The following HPSE2 variants were observed in gnomAD, a reference collection of about 807,000 sequenced individuals.
HPSE2 encodes the protein heparanase 2 (inactive).
HPSE2 carries 38 observed loss-of-function variants against 60.5 expected under a neutral mutation model. The observed-to-expected ratio is 0.63, with a 90% CI of 0.48 to 0.82. HPSE2 has a LOEUF of 0.82. Ranked by LOEUF, HPSE2 falls within the 40% of genes least tolerant of loss-of-function variation. The probability of loss-of-function intolerance (pLI) is 0.00; values close to 1 mark genes in which losing one functional copy is unlikely to be tolerated. For synonymous variants in HPSE2, 295 were observed against 293.2 expected (o/e 1.01, Z -0.06); for missense variants, 713 against 740.4 (o/e 0.96, Z 0.43).
intron 3 of HPSE2, among the ~76,000 whole-genome samples, chr10:99,072,842 T>C (rs1333171748): frequency 6.8e-6 from 1 of 147,878 alleles, no homozygotes; most frequent in Non-Finnish European, 1.5e-5. Flanking sequence ...GGCAGGAGAA[T>C]TGCTTGAACC....
chr10:98,464,366 A>G (rs896946999), intron 11 of HPSE2, among the ~76,000 whole-genome samples: 2 of 152,200 alleles, frequency 1.3e-5, no homozygotes, highest in Non-Finnish European at 1.5e-5. Flanking sequence ...CCCGTGCCCT[A>G]GCATGACCAA....
At chr10:99,272,770 AT>A in the HPSE2 span, among the ~76,000 whole-genome samples, 3 of 152,330 alleles carry the variant, frequency 2.0e-5, no homozygotes, top group South Asian at 2.1e-4. Context: ...AAATAAAAAA[AT>A]AATAGATGTT....
chr10:98,688,808 G>A (rs1947997206), intron 6 of HPSE2, among the ~76,000 whole-genome samples: 1 of 151,304 alleles, frequency 6.6e-6, no homozygotes, highest in Non-Finnish European at 1.5e-5. Context: ...CAGATCTACT[G>A]GCTTTCATTG....
intron 5 of HPSE2, among the ~76,000 whole-genome samples, chr10:98,704,438 A>C (rs371280151): frequency 6.9e-6 from 1 of 144,656 alleles, no homozygotes; most frequent in Non-Finnish European, 1.5e-5. Flanking sequence ...AAAAAAAAAA[A>C]GCCCAGATAG....
chr10:98,903,158 G>T (rs1953712834), intron 3 of HPSE2, among the ~76,000 whole-genome samples: 1 of 152,048 alleles, frequency 6.6e-6, no homozygotes, highest in Non-Finnish European at 1.5e-5. Context: ...CTAAATGAAT[G>T]AAGACAGTCA....
intron 6 of HPSE2, among the ~76,000 whole-genome samples, chr10:98,658,502 G>A (rs568724785): frequency 5.3e-5 from 8 of 152,104 alleles, no homozygotes; most frequent in African/African-American, 1.7e-4. Flanking sequence ...CTCTCAGTTC[G>A]TGACTTGATT....
At position 98,939,822 on chromosome 10, in the gene HPSE2, A is replaced by G. The variant is rs551198294; in HGVS notation, c.611-195766T>C. ...CCACACCTATTCCAAAATTGACCAC[A>G]TAGGTGGAAGTAAAGCTCTCCTCAG... On this transcript the variant is annotated intron_variant, in intron 3 of 11. Transcript: ENST00000370552. Among the ~76,000 whole-genome samples the G allele has an allele frequency of 5.6e-5, 8 of 144,140 alleles. No homozygotes were observed. In the South Asian group the frequency reaches 1.7e-3, roughly 30 times the overall value. 94.6% of individuals were successfully genotyped at this position (144,140 alleles called of 152,430 possible). A position where few individuals can be genotyped will look rare whatever the true frequency, so the allele number is the denominator to read the frequency against.
At chr10:99,046,377 T>C (rs1180306312) in intron 3 of HPSE2, among the ~76,000 whole-genome samples, 2 of 152,088 alleles carry the variant, frequency 1.3e-5, no homozygotes, top group African/African-American at 4.8e-5. Flanking sequence ...AACATCATAC[T>C]GAAAAGGCAA....
intron 3 of HPSE2, among the ~76,000 whole-genome samples, chr10:99,119,816 G>A (rs1338951451): frequency 1.3e-5 from 2 of 152,084 alleles, no homozygotes; most frequent in Non-Finnish European, 2.9e-5. Context: ...TCTGATCTTT[G>A]ACAAAGCTGA....
At chr10:99,256,556 A>G in the HPSE2 span, among the ~76,000 whole-genome samples, 1 of 151,076 alleles carries the variant, frequency 6.6e-6, no homozygotes, top group Admixed American at 6.6e-5. Flanking sequence ...CAATAACACA[A>G]GAATGTCCAC....
intron 6 of HPSE2, among the ~76,000 whole-genome samples, chr10:98,662,735 G>C (rs1047226850): frequency 3.3e-5 from 5 of 152,178 alleles, no homozygotes; most frequent in African/African-American, 1.2e-4. Flanking sequence ...ATTTTCCTTA[G>C]AATGCACTTT....
intron 3 of HPSE2, among the ~76,000 whole-genome samples, chr10:98,906,263 C>T (rs1953813542): frequency 6.6e-6 from 1 of 152,202 alleles, no homozygotes; most frequent in South Asian, 2.1e-4. Context: ...TCATGCCAAT[C>T]TCCATCTCAG....
At chr10:98,605,656 A>G (rs1010188784) in intron 9 of HPSE2, among the ~76,000 whole-genome samples, 3 of 152,186 alleles carry the variant, frequency 2.0e-5, no homozygotes, top group Non-Finnish European at 4.4e-5. Context: ...ATACACCACT[A>G]TTATTTGTAT....
At chr10:98,555,541 C>T (rs1179287593) in intron 9 of HPSE2, among the ~76,000 whole-genome samples, 1 of 152,226 alleles carries the variant, frequency 6.6e-6, no homozygotes, top group Non-Finnish European at 1.5e-5. Context: ...ATTAACACCT[C>T]TTGTCTTGCA....
At chr10:98,524,281 A>T (rs1332295170) in intron 9 of HPSE2, among the ~76,000 whole-genome samples, 1 of 152,180 alleles carries the variant, frequency 6.6e-6, no homozygotes, top group Non-Finnish European at 1.5e-5. Flanking sequence ...TTGCTGTCAT[A>T]TTAACATATA....
chr10:98,986,682 C>A (rs1589467568), intron 3 of HPSE2, among the ~76,000 whole-genome samples: 2 of 139,988 alleles, frequency 1.4e-5, no homozygotes, highest in East Asian at 4.4e-4. Context: ...AAAAACCCTT[C>A]AAAAAATTAA....
intron 3 of HPSE2, among the ~76,000 whole-genome samples, chr10:98,992,129 T>C (rs538469771): frequency 6.6e-6 from 1 of 152,178 alleles, no homozygotes; most frequent in African/African-American, 2.4e-5. Context: ...AAAAACAGGA[T>C]AAACTCATAT....
chr10:99,222,136 G>A (rs1190906093), intron 2 of HPSE2, among the ~76,000 whole-genome samples: 2 of 151,924 alleles, frequency 1.3e-5, no homozygotes, highest in East Asian at 3.9e-4. Flanking sequence ...TTCCTCTAGG[G>A]GAAAGGCCTT....
chr10:98,816,082 G>A (rs1951282597), intron 3 of HPSE2, among the ~76,000 whole-genome samples: 1 of 150,876 alleles, frequency 6.6e-6, no homozygotes, highest in South Asian at 2.1e-4. Flanking sequence ...AATGCTAAAT[G>A]ACGAGTTAAT....
Sources: gnomAD v4.1 joint callset for allele counts (sites outside exome capture counted in the v4.1 genomes callset) on GRCh38, gnomAD v4.1.1 for gene constraint, MANE v1.5 for transcripts, NCBI Gene and HGNC (gene_info 2026-07-23, HGNC 2026-07-21) for gene names.